Variants in NCKAP5 observed in about 807,000 individuals in gnomAD.
NCKAP5 encodes nck-associated protein 5.
NCKAP5 carries 92 observed loss-of-function variants against 167.0 expected under a neutral mutation model. The ratio of observed to expected loss-of-function variants is 0.55; its 90% confidence interval spans 0.47 to 0.66. The LOEUF (loss-of-function observed/expected upper bound fraction) is 0.66. Among genes scored for constraint, NCKAP5 ranks in the 30% least tolerant of loss-of-function variants. The probability of loss-of-function intolerance (pLI) is 0.00; values close to 1 mark genes in which losing one functional copy is unlikely to be tolerated. For synonymous variants in NCKAP5, 891 were observed against 877.4 expected, an observed-to-expected ratio of 1.02 and a Z score of -0.27; for missense variants, 2,378 against 2,315.0, an observed-to-expected ratio of 1.03 and a Z score of -0.56.
At chr2:133,238,586 G>A (rs1559303949) in intron 4 of NCKAP5, among the ~76,000 whole-genome samples, 4 of 152,116 alleles carry the variant, frequency 2.6e-5, no homozygotes, top group Non-Finnish European at 5.9e-5. Context: ...CATTTGTCTA[G>A]TCTCTCCTAA....
At chr2:133,590,752 A>T in the NCKAP5 span, among the ~76,000 whole-genome samples, 1 of 152,212 alleles carries the variant, frequency 6.6e-6, no homozygotes, top group Non-Finnish European at 1.5e-5. Flanking sequence ...CTGGTCATTT[A>T]TCTGCAGTAA....
At chr2:133,241,955 T>C (rs529966743) in intron 4 of NCKAP5, among the ~76,000 whole-genome samples, 14 of 151,810 alleles carry the variant, frequency 9.2e-5, no homozygotes, top group Non-Finnish European at 1.8e-4. Context: ...CCATCTCTAC[T>C]AAAAATACAA....
the NCKAP5 span, among the ~76,000 whole-genome samples, chr2:133,651,422 CA>C: frequency 6.6e-6 from 1 of 152,162 alleles, no homozygotes; most frequent in African/African-American, 2.4e-5. Context: ...CATCACTAAT[CA>C]TCAGAGGAAT....
At chr2:133,614,413 A>G in the NCKAP5 span, among the ~76,000 whole-genome samples, 2 of 152,132 alleles carry the variant, frequency 1.3e-5, no homozygotes, top group African/African-American at 4.8e-5. Context: ...AAAATTTAGA[A>G]GAATGTATAA....
chr2:133,596,056 G>A, the NCKAP5 span: 8 of 152,184 alleles, frequency 5.3e-5, no homozygotes, highest in African/African-American at 1.4e-4. Flanking sequence ...AAAAATGTAC[G>A]AACCATTCTT....
intron 8 of NCKAP5, among the ~76,000 whole-genome samples, chr2:132,909,798 C>T (rs140650172): frequency 1.0e-3 from 159 of 152,302 alleles, no homozygotes; most frequent in African/African-American, 3.7e-3. Flanking sequence ...CTGCTGTTTT[C>T]ACCATGTAAC....
intron 7 of NCKAP5, among the ~76,000 whole-genome samples, chr2:132,984,082 C>T (rs758670011): frequency 2.6e-5 from 4 of 151,688 alleles, no homozygotes; most frequent in Non-Finnish European, 4.4e-5. Flanking sequence ...CATAGTGAGA[C>T]TCTCTCTCTC....
intron 5 of NCKAP5, among the ~76,000 whole-genome samples, chr2:133,176,200 T>C (rs2084453485): frequency 6.6e-6 from 1 of 152,182 alleles, no homozygotes; most frequent in South Asian, 2.1e-4. Flanking sequence ...CCACAGCAGG[T>C]AATATGGCAA....
At chr2:133,270,869 G>A (rs1440702683) in intron 4 of NCKAP5, among the ~76,000 whole-genome samples, 1 of 151,312 alleles carries the variant, frequency 6.6e-6, no homozygotes, top group African/African-American at 2.4e-5. Flanking sequence ...TCTTGGACCC[G>A]CTCCCACCCT....
intron 19 of NCKAP5, among the ~76,000 whole-genome samples, chr2:132,680,389 G>T (rs575577876): frequency 6.6e-6 from 1 of 152,254 alleles, no homozygotes; most frequent in African/African-American, 2.4e-5. Flanking sequence ...TTTCAGCAGA[G>T]ATGTGCTTTT....
intron 8 of NCKAP5, among the ~76,000 whole-genome samples, chr2:132,952,682 C>T (rs867516447): frequency 1.3e-5 from 2 of 152,334 alleles, no homozygotes; most frequent in Middle Eastern, 3.4e-3. Flanking sequence ...AGCTTCCTCA[C>T]ATCAATAGTG....
At chr2:133,121,912 T>C (rs1452206225) in intron 6 of NCKAP5, 1 of 152,222 alleles carries the variant, frequency 6.6e-6, no homozygotes, top group Non-Finnish European at 1.5e-5. Context: ...GAAAATGAAC[T>C]ACTGATTTTT....
intron 19 of NCKAP5, among the ~76,000 whole-genome samples, chr2:132,722,961 A>G (rs919877336): frequency 2.6e-5 from 4 of 151,862 alleles, no homozygotes; most frequent in African/African-American, 9.7e-5. Flanking sequence ...AACCACAGGT[A>G]TGTGCCACCA....
At chr2:132,933,891 A>G (rs1696635293) in intron 8 of NCKAP5, among the ~76,000 whole-genome samples, 2 of 152,204 alleles carry the variant, frequency 1.3e-5, no homozygotes, top group African/African-American at 4.8e-5. Context: ...ATTTAACTGG[A>G]GATGTTCACT....
At chr2:132,928,459 C>A (rs564194674) in intron 8 of NCKAP5, among the ~76,000 whole-genome samples, 1 of 152,232 alleles carries the variant, frequency 6.6e-6, no homozygotes, top group East Asian at 1.9e-4. Flanking sequence ...TCTATCTCTT[C>A]TTTGAGATAA....
chr2:132,789,354 G>A (rs1224501738), intron 13 of NCKAP5, among the ~76,000 whole-genome samples: 1 of 152,162 alleles, frequency 6.6e-6, no homozygotes, highest in African/African-American at 2.4e-5. Flanking sequence ...AGCAGGCTCT[G>A]TACTTTGCAT....
chr2:133,471,754 C>G (rs1372732605), intron 3 of NCKAP5, among the ~76,000 whole-genome samples: 1 of 152,130 alleles, frequency 6.6e-6, no homozygotes, highest in Non-Finnish European at 1.5e-5. Flanking sequence ...TCAGCCACTA[C>G]TCCTCTCCCC....
chr2:132,830,084 C>T (rs1687412159), intron 11 of NCKAP5, among the ~76,000 whole-genome samples: 1 of 152,128 alleles, frequency 6.6e-6, no homozygotes, highest in Non-Finnish European at 1.5e-5. Flanking sequence ...TATTCTGGGT[C>T]CCATCTACCA....
At chr2:132,861,704 C>T (rs1423157211) in intron 10 of NCKAP5, among the ~76,000 whole-genome samples, 2 of 152,262 alleles carry the variant, frequency 1.3e-5, no homozygotes, top group African/African-American at 2.4e-5. Context: ...TGACCTTTTA[C>T]CTGGCATCCC....
Sources: allele counts gnomAD v4.1 joint callset (sites outside exome capture counted in the v4.1 genomes callset), GRCh38; gene constraint gnomAD v4.1.1; transcripts MANE v1.5; gene names NCBI Gene and HGNC (gene_info 2026-07-23, HGNC 2026-07-21).